Variants in SNTG1 observed in about 807,000 individuals in gnomAD.
SNTG1 encodes syntrophin gamma 1, also known as gamma-1-syntrophin.
Under a neutral mutation model 74.7 loss-of-function variants are expected in SNTG1, and 39 were observed. That is an observed-to-expected ratio of 0.52 (90% CI 0.40 to 0.68). The LOEUF (loss-of-function observed/expected upper bound fraction) is 0.68. Among genes scored for constraint, SNTG1 ranks in the 30% least tolerant of loss-of-function variants. The probability of loss-of-function intolerance (pLI) is 0.00; values close to 1 mark genes in which losing one functional copy is unlikely to be tolerated. For missense variants in SNTG1, 685 were observed against 609.5 expected (o/e 1.12, Z -1.30); for synonymous variants, 254 against 217.1 (o/e 1.17, Z -1.49).
intron 1 of SNTG1, among the ~76,000 whole-genome samples, chr8:50,136,993 T>C (rs970519250): frequency 1.3e-5 from 2 of 152,024 alleles, no homozygotes; most frequent in Admixed American, 6.6e-5. Flanking sequence ...GGCCCTGTGG[T>C]ACTCTCTGGA....
chr8:50,053,609 A>G (rs180777406), intron 1 of SNTG1, among the ~76,000 whole-genome samples: 19 of 132,102 alleles, frequency 1.4e-4, no homozygotes, highest in African/African-American at 5.9e-4. Flanking sequence ...ATGCATATAT[A>G]TAAATATATA....
chr8:50,424,832 G>A (rs1449842287), intron 4 of SNTG1, among the ~76,000 whole-genome samples: 1 of 152,118 alleles, frequency 6.6e-6, no homozygotes, highest in Non-Finnish European at 1.5e-5. Flanking sequence ...AGGAGCTTCA[G>A]GAAATGCTAA....
chr8:50,263,123 G>T (rs1486840880), intron 2 of SNTG1, among the ~76,000 whole-genome samples: 1 of 152,174 alleles, frequency 6.6e-6, no homozygotes, highest in Non-Finnish European at 1.5e-5. Context: ...ATAATGATGT[G>T]TCAGTGTGGG....
chr8:50,427,742 C>T (rs902002736), intron 4 of SNTG1, among the ~76,000 whole-genome samples: 2 of 152,100 alleles, frequency 1.3e-5, no homozygotes, highest in African/African-American at 4.8e-5. Context: ...TACATTTTTA[C>T]TAATAATTTA....
chr8:50,317,575 C>A (rs749468375), intron 2 of SNTG1, among the ~76,000 whole-genome samples: 1 of 152,134 alleles, frequency 6.6e-6, no homozygotes, highest in Non-Finnish European at 1.5e-5. Context: ...CGTGTTAGCA[C>A]AAACAGAAAC....
intron 1 of SNTG1, among the ~76,000 whole-genome samples, chr8:49,982,775 A>G (rs559295629): frequency 1.8e-4 from 27 of 152,248 alleles, no homozygotes; most frequent in Non-Finnish European, 3.4e-4. Flanking sequence ...TTATTTTTAG[A>G]AAACTAATCA....
At chr8:50,344,563 T>C (rs2091417172) in intron 2 of SNTG1, among the ~76,000 whole-genome samples, 2 of 152,224 alleles carry the variant, frequency 1.3e-5, no homozygotes, top group Admixed American at 1.3e-4. Flanking sequence ...TGGTCATTTC[T>C]GGATGATATA....
chr8:50,535,942 A>G (rs2094304073), intron 10 of SNTG1, among the ~76,000 whole-genome samples: 1 of 152,184 alleles, frequency 6.6e-6, no homozygotes. Flanking sequence ...TGATGAAGAA[A>G]TTTTAACATT....
At chr8:50,575,282 T>C (rs370643509) in intron 12 of SNTG1, among the ~76,000 whole-genome samples, 2 of 152,248 alleles carry the variant, frequency 1.3e-5, no homozygotes, top group African/African-American at 4.8e-5. Flanking sequence ...TTTATTTTTA[T>C]GTAGTGTTCA....
At chr8:50,157,263 G>A (rs2082281700) in intron 1 of SNTG1, among the ~76,000 whole-genome samples, 1 of 152,036 alleles carries the variant, frequency 6.6e-6, no homozygotes, top group Non-Finnish European at 1.5e-5. Context: ...AATCTATGAT[G>A]ATGAAAATCA....
chr8:50,688,413 C>A (rs915938334), intron 15 of SNTG1, among the ~76,000 whole-genome samples: 2 of 152,098 alleles, frequency 1.3e-5, no homozygotes, highest in Non-Finnish European at 2.9e-5. Context: ...GTCTTTAATC[C>A]ATCTTGAATT....
At chr8:50,342,706 G>C (rs1241742704) in intron 2 of SNTG1, among the ~76,000 whole-genome samples, 2 of 152,096 alleles carry the variant, frequency 1.3e-5, no homozygotes, top group South Asian at 2.1e-4. Context: ...TGTTAATAGA[G>C]AGGACTACTC....
chr8:50,213,576 C>T (rs547158823), intron 2 of SNTG1, among the ~76,000 whole-genome samples: 13 of 152,232 alleles, frequency 8.5e-5, no homozygotes, highest in African/African-American at 2.9e-4. Flanking sequence ...TTCTCCACAT[C>T]CTCTCCAGCA....
chr8:50,768,862 G>A (rs923125723), intron 18 of SNTG1, among the ~76,000 whole-genome samples: 17 of 152,020 alleles, frequency 1.1e-4, no homozygotes, highest in African/African-American at 4.1e-4. Flanking sequence ...ACTCACATTT[G>A]TGCAGGTGTG....
At chr8:49,994,025 C>G (rs1169035047) in intron 1 of SNTG1, among the ~76,000 whole-genome samples, 2 of 152,112 alleles carry the variant, frequency 1.3e-5, no homozygotes, top group Non-Finnish European at 2.9e-5. Context: ...CTCAGGATAT[C>G]CATTATATAG....
At chr8:50,295,524 G>C (rs946450687) in intron 2 of SNTG1, among the ~76,000 whole-genome samples, 1 of 152,140 alleles carries the variant, frequency 6.6e-6, no homozygotes, top group Non-Finnish European at 1.5e-5. Flanking sequence ...TGATTTAGTA[G>C]TGAGTTTCCA....
At chr8:50,699,910 G>A (rs761514712) in intron 15 of SNTG1, among the ~76,000 whole-genome samples, 8 of 152,102 alleles carry the variant, frequency 5.3e-5, no homozygotes, top group Non-Finnish European at 1.0e-4. Context: ...ATTAAATATA[G>A]TATCTTATTT....
At chr8:49,944,238 G>A (rs1808953848) in intron 1 of SNTG1, among the ~76,000 whole-genome samples, 1 of 152,026 alleles carries the variant, frequency 6.6e-6, no homozygotes, top group African/African-American at 2.4e-5. Flanking sequence ...GAGTTAAACA[G>A]TATATCAGGT....
At chr8:50,484,102 C>CTCTCTCTTTCTT (rs1554542530) in intron 8 of SNTG1, among the ~76,000 whole-genome samples, 5 of 110,870 alleles carry the variant, frequency 4.5e-5, no homozygotes, top group South Asian at 3.5e-4. Context: ...CTTTCTTTCT[C>CTCTCTCTTTCTT]TCTTTCTTTC....
Sources: gnomAD v4.1 joint callset for allele counts (sites outside exome capture counted in the v4.1 genomes callset) on GRCh38, gnomAD v4.1.1 for gene constraint, MANE v1.5 for transcripts, NCBI Gene and HGNC (gene_info 2026-07-23, HGNC 2026-07-21) for gene names.